Variants in RTF2 observed in about 807,000 individuals in gnomAD.
RTF2 encodes UPF0549 protein C20orf43.
A neutral mutation model predicts 38.0 loss-of-function variants in RTF2; 18 were observed. The ratio of observed to expected loss-of-function variants is 0.47; its 90% CI spans 0.33 to 0.70. The LOEUF is 0.70. RTF2 is among the 30% of genes least tolerant of loss of function. The probability of loss-of-function intolerance (pLI) is 0.02; values close to 1 mark genes in which losing one functional copy is unlikely to be tolerated. For synonymous variants in RTF2, 126 were observed against 137.1 expected, an observed-to-expected ratio of 0.92 and a Z score of 0.57; for missense variants, 311 against 379.6, an observed-to-expected ratio of 0.82 and a Z score of 1.50.
chr20:56,508,334 A>G (rs910221740), intron 5 of RTF2, among the ~76,000 whole-genome samples: 15 of 152,208 alleles, frequency 9.9e-5, no homozygotes, highest in African/African-American at 3.6e-4. Flanking sequence ...TGTGCTGATA[A>G]TGTTTTCTAC....
intron 5 of RTF2, among the ~76,000 whole-genome samples, chr20:56,492,550 T>A (rs1983226029): frequency 6.7e-6 from 1 of 149,470 alleles, no homozygotes; most frequent in African/African-American, 2.5e-5. Flanking sequence ...TGAGATCTCG[T>A]CTGTAATTTA....
intron 5 of RTF2, among the ~76,000 whole-genome samples, chr20:56,489,011 A>G (rs748083960): frequency 1.3e-5 from 2 of 151,590 alleles, no homozygotes; most frequent in Non-Finnish European, 2.9e-5. Flanking sequence ...TACATTCCAC[A>G]TGCATTTAGT....
intron 5 of RTF2, among the ~76,000 whole-genome samples, chr20:56,505,115 T>C (rs966779602): frequency 2.0e-5 from 3 of 152,196 alleles, no homozygotes; most frequent in Non-Finnish European, 2.9e-5. Context: ...TAGGTCCTTT[T>C]ATGTGTGGGA....
At chr20:56,468,837 A>C in intron 1 of RTF2, 71 bp downstream of exon 1, 5 of 1,326,400 alleles carry the variant, frequency 3.8e-6, no homozygotes, top group Non-Finnish European at 5.3e-6. Flanking sequence ...AACGAGAGGA[A>C]GTAAGAAGGG....
intron 5 of RTF2, among the ~76,000 whole-genome samples, chr20:56,501,579 A>T (rs527839420): frequency 6.6e-6 from 1 of 152,148 alleles, no homozygotes; most frequent in African/African-American, 2.4e-5. Flanking sequence ...TCTGGAACAG[A>T]CCTATTTTTA....
intron 5 of RTF2, among the ~76,000 whole-genome samples, chr20:56,505,770 G>A (rs13037581): frequency 6.6e-6 from 1 of 152,036 alleles, no homozygotes; most frequent in South Asian, 2.1e-4. Context: ...TAGACGAGCT[G>A]AGCCACCCAT....
At chr20:56,495,380 C>T (rs767001436) in intron 5 of RTF2, 6 of 1,086,406 alleles carry the variant, frequency 5.5e-6, no homozygotes, top group Non-Finnish European at 8.2e-6. Context: ...CTATCATTTC[C>T]ATTTCCTCTA....
intron 5 of RTF2, among the ~76,000 whole-genome samples, chr20:56,496,201 C>T (rs1407933855): frequency 1.6e-4 from 24 of 152,064 alleles, no homozygotes; most frequent in Admixed American, 1.6e-3. Context: ...AAATGTAGAA[C>T]ATTTACAAGG....
chr20:56,469,761 C>G (rs1357529446), intron 1 of RTF2, among the ~76,000 whole-genome samples: 2 of 146,150 alleles, frequency 1.4e-5, no homozygotes, highest in Non-Finnish European at 3.0e-5. Flanking sequence ...CTTGAGCAGA[C>G]CTTGCCTATG....
intron 5 of RTF2, chr20:56,491,604 A>G (rs1232384377): frequency 2.3e-5 from 36 of 1,551,732 alleles, no homozygotes; most frequent in Admixed American, 9.8e-5. Context: ...TGAAAATGCC[A>G]GTGTGGCTCT....
At chr20:56,477,795 G>A (rs1450072439) in intron 4 of RTF2, among the ~76,000 whole-genome samples, 1 of 152,226 alleles carries the variant, frequency 6.6e-6, no homozygotes, top group African/African-American at 2.4e-5. Flanking sequence ...GGGAGCCACT[G>A]CACCTGATTA....
chr20:56,478,217 A>G (rs945858459), intron 4 of RTF2, among the ~76,000 whole-genome samples: 6 of 152,194 alleles, frequency 3.9e-5, no homozygotes, highest in African/African-American at 1.4e-4. Flanking sequence ...AGCAGCTCAC[A>G]GTGGCTCCCA....
chr20:56,504,277 C>T (rs1343109454), intron 5 of RTF2: 1 of 152,212 alleles, frequency 6.6e-6, no homozygotes, highest in Admixed American at 6.5e-5. Flanking sequence ...TGAGTATTTC[C>T]TTGGGACCAG....
intron 5 of RTF2, among the ~76,000 whole-genome samples, chr20:56,501,561 G>T (rs537492312): frequency 6.6e-6 from 1 of 152,282 alleles, no homozygotes; most frequent in South Asian, 2.1e-4. Context: ...AGGTATGCAA[G>T]TTCTTTGTCT....
intron 5 of RTF2, among the ~76,000 whole-genome samples, chr20:56,499,393 G>A (rs900001663): frequency 3.3e-5 from 5 of 151,930 alleles, no homozygotes; most frequent in African/African-American, 1.2e-4. Flanking sequence ...ATAATGGCCA[G>A]GCTGGTCTCA....
intron 5 of RTF2, chr20:56,497,488 C>G (rs1983629440): frequency 6.7e-7 from 1 of 1,496,890 alleles, no homozygotes. Context: ...TCTACTACTT[C>G]TGGTTGGGCA....
chr20:56,517,918 C>T (rs371674742), intron 8 of RTF2, among the ~76,000 whole-genome samples, 169 bp from the exon 9 acceptor site: 4 of 152,212 alleles, frequency 2.6e-5, no homozygotes, highest in African/African-American at 9.6e-5. Flanking sequence ...ATGTGTTGTG[C>T]TGTGTCTGCT....
intron 5 of RTF2, among the ~76,000 whole-genome samples, chr20:56,505,356 T>C (rs1184695199): frequency 6.6e-6 from 1 of 151,870 alleles, no homozygotes; most frequent in East Asian, 1.9e-4. Flanking sequence ...GATATGGTGG[T>C]GCGCACCTGT....
chr20:56,477,274 T>C (rs976138118), intron 4 of RTF2, 150 bp downstream of exon 4: 2 of 821,370 alleles, frequency 2.4e-6, no homozygotes, highest in East Asian at 2.8e-5. Flanking sequence ...TGCTTGGTCA[T>C]GAGCACGTTC....
Sources: allele counts gnomAD v4.1 joint callset (sites outside exome capture counted in the v4.1 genomes callset), GRCh38; gene constraint gnomAD v4.1.1; transcripts MANE v1.5; gene names NCBI Gene and HGNC (gene_info 2026-07-23, HGNC 2026-07-21).